Variants in FUCA1 observed in about 807,000 individuals in gnomAD.
FUCA1 encodes alpha-L-fucosidase 1.
Under a neutral mutation model 56.8 loss-of-function variants are expected in FUCA1, and 52 were observed. The observed-to-expected ratio is 0.92, with a 90% CI of 0.73 to 1.15. The LOEUF (loss-of-function observed/expected upper bound fraction) is 1.15, where lower values mean the gene tolerates loss of function less well. FUCA1 is among the 50% of genes most tolerant of loss of function. The pLI, the probability that FUCA1 is intolerant of heterozygous loss-of-function variation, is 0.00. For synonymous variants in FUCA1, 230 were observed against 226.6 expected, an observed-to-expected ratio of 1.02 and a Z score of -0.14; for missense variants, 568 against 592.6, an observed-to-expected ratio of 0.96 and a Z score of 0.43.
chr1:23,856,177 A>G (rs1043944686), intron 4 of FUCA1, among the ~76,000 whole-genome samples: 1 of 152,212 alleles, frequency 6.6e-6, no homozygotes, highest in Non-Finnish European at 1.5e-5. Flanking sequence ...CCAAAGGCAA[A>G]TATCACCCAC....
chr1:23,856,404 C>A (rs1279848114), intron 4 of FUCA1, among the ~76,000 whole-genome samples: 1 of 152,160 alleles, frequency 6.6e-6, no homozygotes, highest in African/African-American at 2.4e-5. Flanking sequence ...GCATTCGAAC[C>A]AGTGTCTATG....
At position 23,867,744 on chromosome 1, in the gene FUCA1, T is replaced by G; in HGVS notation, c.389+154A>C. 1.0e-6 allele frequency: 1 copy of G among 985,358 alleles called. No homozygotes were observed. Among genetic ancestry groups the G allele is most frequent in the Non-Finnish European group, 1.2e-6 (1 of 829,896 alleles). The allele number at this position is 985,358 out of a possible 1,614,324, so 61.0% of individuals were successfully genotyped here. A position where few individuals can be genotyped will look rare whatever the true frequency, so the allele number is the denominator to read the frequency against. On this transcript the variant is annotated intron_variant, in intron 1 of 7. Coordinates refer to ENST00000374479, the MANE Select transcript of FUCA1 (RefSeq NM_000147.5). The surrounding 1 kb of genome is among the most constrained non-coding windows in gnomAD (Gnocchi z 4.9). ...CGCACCTCCTCCTCCTCATCAGGTG[T>G]GCCAGGCTCACTCCTGTGGCCGCAG...
At chr1:23,859,737 T>A in intron 4 of FUCA1, 61 bp downstream of exon 4, 6 of 1,027,910 alleles carry the variant, frequency 5.8e-6, no homozygotes, top group Non-Finnish European at 9.2e-6. Flanking sequence ...TACTCCAGAG[T>A]TTGGCTCCTT....
intron 4 of FUCA1, among the ~76,000 whole-genome samples, chr1:23,859,556 C>T (rs1281650089): frequency 6.6e-6 from 1 of 150,442 alleles, no homozygotes; most frequent in East Asian, 1.9e-4. Flanking sequence ...ACAGAGTGAG[C>T]CTCTGTCTCA....
rs1185506825 is a variant in FUCA1, at chr1:23,860,562, C to T, written c.663-659G>A. On this transcript the variant is annotated intron_variant, in intron 3 of 7. Coordinates refer to ENST00000374479, the MANE Select transcript of FUCA1 (RefSeq NM_000147.5). ...TTGCGCCACTGCACTCCAGCCTGGGCGACGGAGTGAAACTCCGTCTCAAAA... is the reference window on the plus strand; with the variant it reads ...TTGCGCCACTGCACTCCAGCCTGGGTGACGGAGTGAAACTCCGTCTCAAAA... 1.9e-4 allele frequency among the ~76,000 whole-genome samples: 26 copies of T among 135,958 alleles called. No homozygotes were observed. In the East Asian group the frequency reaches 2.2e-3, roughly 12 times the overall value. The allele number at this position is 135,958 out of a possible 152,430, so 89.2% of individuals were successfully genotyped here.
chr1:23,858,935 C>T (rs1182521691), intron 4 of FUCA1, among the ~76,000 whole-genome samples: 2 of 151,916 alleles, frequency 1.3e-5, no homozygotes, highest in Admixed American at 6.6e-5. Flanking sequence ...CAGGTCCGTG[C>T]CACCACACCC....
intron 4 of FUCA1, among the ~76,000 whole-genome samples, chr1:23,858,765 T>C (rs1639446511): frequency 6.6e-6 from 1 of 152,188 alleles, no homozygotes; most frequent in African/African-American, 2.4e-5. Flanking sequence ...TTTTTATTTT[T>C]TGGAGACAGG....
At chr1:23,852,757 T>C (rs1183882338) in intron 5 of FUCA1, among the ~76,000 whole-genome samples, 5 of 152,276 alleles carry the variant, frequency 3.3e-5, no homozygotes, top group African/African-American at 2.4e-5. Context: ...GGATTGCAGA[T>C]GGAGTCTGGT....
At position 23,845,853 on chromosome 1, in the gene FUCA1, T is replaced by C; in HGVS notation, c.1263A>G (p.Ile421Met). 6.2e-7 allele frequency: 1 copy of C among 1,614,126 alleles called. No individual in the cohort carries two copies. The highest frequency in any genetic ancestry group is 1.3e-5 in the African/African-American group (1 of 75,024). The change falls in exon 8 of 8, where the codon ATA becomes ATG. Residue 421 changes from isoleucine (I) to methionine (M), a missense_variant and splice_region_variant. Physicochemically the swap from Ile to Met is conservative, Grantham distance 10. Coordinates refer to ENST00000374479, the MANE Select transcript of FUCA1 (RefSeq NM_000147.5). ...ESPITTSTTK[I>M]TMLGIQGDLK... The stretch of plus-strand genomic sequence containing the variant: ...GATCTCCTTGAATTCCCAGCATTGT[T>C]ATCTGCAGAAAACAAAAGGGAATGA...
intron 6 of FUCA1, among the ~76,000 whole-genome samples, chr1:23,847,459 C>G (rs1291965726): frequency 6.6e-6 from 1 of 151,834 alleles, no homozygotes; most frequent in Admixed American, 6.6e-5. Flanking sequence ...ATGATGGAAA[C>G]TTAATCCCCA....
chr1:23,846,275 C>CTTTTT (rs11456086), intron 6 of FUCA1, 102 bp from the exon 7 acceptor site: 9 of 668,944 alleles, frequency 1.3e-5, no homozygotes, highest in African/African-American at 1.9e-5. Context: ...CTTTTCTTTT[C>CTTTTT]TTTTTTTTTT....
At chr1:23,854,705 G>A (rs1354444196) in intron 4 of FUCA1, 145 bp from the exon 5 acceptor site, 2 of 725,124 alleles carry the variant, frequency 2.8e-6, no homozygotes, top group Non-Finnish European at 2.5e-6. Context: ...CTCTGGAGGG[G>A]ACATTTGGTA....
rs1639198370 is a variant in FUCA1, at chr1:23,848,821, T to C, written c.988A>G (p.Ser330Gly). ...TTCAGAAGATAGTTGCCTCCCAAAC[T>C]TACTGTCTGAACCAGTTCCTGGAGA... Reference protein sequence around the residue: ...EIISELVQTVSLGGNYLLNIG... With the variant: ...EIISELVQTVGLGGNYLLNIG... Residue 330 changes from serine (S) to glycine (G), a missense_variant, in exon 6 of 8, where the codon AGT becomes GGT. Transcript: ENST00000374479. The C allele has an allele frequency of 6.2e-7, 1 of 1,614,148 alleles. No homozygotes were observed. The highest frequency in any genetic ancestry group is 1.1e-5 in the South Asian group (1 of 91,086).
At chr1:23,845,931 A>T (rs1372665806) in intron 7 of FUCA1, 76 bp from the exon 8 acceptor site, 1 of 1,591,234 alleles carries the variant, frequency 6.3e-7, no homozygotes, top group Non-Finnish European at 8.6e-7. Flanking sequence ...CTATGGTAGG[A>T]AACAGCCACG....
rs1639138701 is a variant in FUCA1, at chr1:23,846,278, T to C, written c.1161-105A>G. 2.0e-5 allele frequency: 16 copies of C among 787,382 alleles called. No individual in the cohort carries two copies. In the South Asian group the frequency reaches 2.6e-4, roughly 13 times the overall value. 48.8% of individuals were successfully genotyped at this position (787,382 alleles called of 1,614,324 possible). On this transcript the variant is annotated intron_variant, in intron 6 of 7. Transcript: ENST00000374479. ...AATGTTAATTTTCTTTTCTTTTCTT[T>C]TTTTTTTTTTTGAGACAGAGTCTCC...
intron 4 of FUCA1, among the ~76,000 whole-genome samples, chr1:23,857,464 G>T (rs994900063): frequency 6.6e-6 from 1 of 152,064 alleles, no homozygotes; most frequent in Non-Finnish European, 1.5e-5. Context: ...GCACATCTGG[G>T]AGGTCACAAA....
intron 2 of FUCA1, among the ~76,000 whole-genome samples, chr1:23,863,669 T>C (rs1247896937): frequency 1.3e-5 from 2 of 152,058 alleles, no homozygotes; most frequent in Non-Finnish European, 2.9e-5. Flanking sequence ...CTGGGCAACA[T>C]AGTGAGACCT....
intron 3 of FUCA1, among the ~76,000 whole-genome samples, chr1:23,860,583 CA>C (rs532619184): frequency 0.038 from 1,924 of 50,232 alleles, 10 homozygotes; most frequent in Non-Finnish European, 0.051. Flanking sequence ...AACTCCGTCT[CA>C]AAAAAAAAAA....
In FUCA1 at chr1:23,845,169, T is replaced by C. The variant is rs1639110780; in HGVS notation, c.*546A>G. ...AATCACATTCATTTTCTTAATAGTA[T>C]CACTGTAAACATAGCGAATTTTGGC... On this transcript the variant is annotated 3_prime_UTR_variant, in exon 8 of 8. Transcript: ENST00000374479. 1 of 165,176 alleles carries C rather than the reference T, an allele frequency of 6.1e-6. No individual in the cohort carries two copies. Among genetic ancestry groups the C allele is most frequent in the Non-Finnish European group, 1.3e-5 (1 of 74,834 alleles). The allele number at this position is 165,176 out of a possible 1,614,324, so 10.2% of individuals were successfully genotyped here.
Sources: gnomAD v4.1 joint callset for allele counts (sites outside exome capture counted in the v4.1 genomes callset) on GRCh38, gnomAD v4.1.1 for gene constraint, Gnocchi (gnomAD v3.1) non-coding constraint, MANE v1.5 for transcripts, NCBI Gene and HGNC (gene_info 2026-07-23, HGNC 2026-07-21) for gene names.